FOXP1: variants seen among roughly 807,000 people sequenced by gnomAD.
FOXP1 encodes the protein forkhead box protein P1.
FOXP1 carries 15 observed loss-of-function variants against 98.2 expected under a neutral mutation model. That is an observed-to-expected ratio of 0.15 (90% CI 0.10 to 0.24). The LOEUF is 0.24. Among genes scored for constraint, FOXP1 ranks in the 10% least tolerant of loss-of-function variants. The pLI is 1.00. For synonymous variants in FOXP1, 371 were observed against 314.5 expected, an observed-to-expected ratio of 1.18 and a Z score of -1.90; for missense variants, 633 against 848.5, an observed-to-expected ratio of 0.75 and a Z score of 3.15.
intron 5 of FOXP1, among the ~76,000 whole-genome samples, chr3:71,245,538 A>G (rs1401613552): frequency 2.0e-5 from 3 of 152,182 alleles, no homozygotes; most frequent in Admixed American, 1.3e-4. Flanking sequence ...AATCCCTTGC[A>G]GAGATACAAG....
chr3:71,438,563 C>T (rs1391122415), intron 3 of FOXP1, among the ~76,000 whole-genome samples: 4 of 152,072 alleles, frequency 2.6e-5, no homozygotes. Flanking sequence ...TCCAGGCTCC[C>T]CTCCACTCAC....
chr3:71,450,255 G>A (rs1216326905), intron 3 of FOXP1, among the ~76,000 whole-genome samples: 2 of 152,172 alleles, frequency 1.3e-5, no homozygotes, highest in Non-Finnish European at 2.9e-5. Context: ...AAAAACTACA[G>A]GTGTTTCTGT....
At chr3:71,331,132 A>G (rs1390254672) in intron 4 of FOXP1, among the ~76,000 whole-genome samples, 2 of 144,642 alleles carry the variant, frequency 1.4e-5, no homozygotes, top group Non-Finnish European at 3.2e-5. Context: ...GGAGGTGTGG[A>G]GAGAGAGGTG....
intron 6 of FOXP1, among the ~76,000 whole-genome samples, chr3:71,156,967 G>A (rs751780255): frequency 1.3e-5 from 2 of 152,146 alleles, no homozygotes; most frequent in Non-Finnish European, 1.5e-5. Context: ...CTGACCACGA[G>A]GTGACTAAAG....
At position 71,017,662 on chromosome 3, in the gene FOXP1, C is replaced by T. The variant is rs1402483971; in HGVS notation, c.870-2009G>A. On this transcript the variant is annotated intron_variant, in intron 11 of 20. Coordinates refer to ENST00000649528, the MANE Select transcript of FOXP1 (RefSeq NM_001349338.3). ...TTTACTGATGGGTAATAGTCTATCA[C>T]GTATCAACTTAACTCTAGTTATATG... Among the ~76,000 whole-genome samples, 13 of 152,254 alleles carry T rather than the reference C, an allele frequency of 8.5e-5. 1 individual carries two copies. The South Asian group carries it at 2.3e-3, about 27-fold the overall frequency.
intron 18 of FOXP1, chr3:70,972,219 C>A (rs2036420309): frequency 6.7e-7 from 1 of 1,484,664 alleles, no homozygotes; most frequent in Non-Finnish European, 8.9e-7. Context: ...GGAGTGGCAA[C>A]AAAAGGAGAC....
intron 17 of FOXP1, 67 bp from the exon 18 acceptor site, chr3:70,972,743 A>G (rs1575758807): frequency 6.5e-7 from 1 of 1,528,300 alleles, no homozygotes; most frequent in East Asian, 2.3e-5. Context: ...AACAGCAGTA[A>G]ATTCAGCCTA....
intron 3 of FOXP1, among the ~76,000 whole-genome samples, chr3:71,465,255 C>T (rs1294616625): frequency 6.8e-6 from 1 of 146,570 alleles, no homozygotes; most frequent in Non-Finnish European, 1.5e-5. Context: ...TGTGGTGAGC[C>T]GAGATCACAC....
chr3:71,579,783 T>C (rs1445040780), intron 2 of FOXP1, among the ~76,000 whole-genome samples: 3 of 152,106 alleles, frequency 2.0e-5, no homozygotes, highest in Admixed American at 6.5e-5. Flanking sequence ...AAGAATTCCA[T>C]TGCACAGTTC....
chr3:71,357,123 A>G (rs2078216568), intron 4 of FOXP1, among the ~76,000 whole-genome samples: 1 of 152,194 alleles, frequency 6.6e-6, no homozygotes, highest in Non-Finnish European at 1.5e-5. Context: ...AGCTGTCAGC[A>G]ATGTCCCCTG....
chr3:71,387,995 A>G (rs893849218), intron 3 of FOXP1, among the ~76,000 whole-genome samples: 1 of 152,254 alleles, frequency 6.6e-6, no homozygotes, highest in Non-Finnish European at 1.5e-5. Flanking sequence ...GTCTGTTTCT[A>G]TGCATTACCC....
chr3:71,316,847 G>T (rs1398842800), intron 4 of FOXP1, among the ~76,000 whole-genome samples: 2 of 151,852 alleles, frequency 1.3e-5, no homozygotes, highest in African/African-American at 4.8e-5. Flanking sequence ...TAGTAGAAAC[G>T]GGGTTTTACC....
chr3:71,266,255 A>ATT (rs36076546), intron 5 of FOXP1, among the ~76,000 whole-genome samples: 1 of 151,442 alleles, frequency 6.6e-6, no homozygotes, highest in South Asian at 2.1e-4. Context: ...AAATTTGTTT[A>ATT]TTTTTTTTGA....
At chr3:71,269,561 C>T (rs111962868) in intron 5 of FOXP1, among the ~76,000 whole-genome samples, 1 of 152,146 alleles carries the variant, frequency 6.6e-6, no homozygotes, top group African/African-American at 2.4e-5. Flanking sequence ...TCCATCTCAG[C>T]ATTAGTACTA....
chr3:71,192,225 G>A (rs139971010), intron 6 of FOXP1, among the ~76,000 whole-genome samples: 4 of 152,254 alleles, frequency 2.6e-5, no homozygotes, highest in African/African-American at 9.6e-5. Context: ...AAGTTCATAA[G>A]CCACCTTTTT....
At chr3:71,476,304 T>TG (rs2089834935) in intron 3 of FOXP1, among the ~76,000 whole-genome samples, 1 of 152,104 alleles carries the variant, frequency 6.6e-6, no homozygotes, top group Admixed American at 6.5e-5. Context: ...AAGTTCTTTT[T>TG]TTTTTTTTTG....
intron 2 of FOXP1, among the ~76,000 whole-genome samples, chr3:71,549,051 G>C (rs1186434557): frequency 1.3e-5 from 2 of 152,186 alleles, no homozygotes; most frequent in Non-Finnish European, 2.9e-5. Context: ...CCTCAAAGGT[G>C]TATTAACCCA....
At chr3:71,503,695 T>A (rs1577892948) in intron 2 of FOXP1, among the ~76,000 whole-genome samples, 2 of 150,518 alleles carry the variant, frequency 1.3e-5, no homozygotes, top group Admixed American at 6.6e-5. Context: ...TTTCGTCAGG[T>A]ATGGTACTGT....
intron 2 of FOXP1, among the ~76,000 whole-genome samples, chr3:71,516,283 C>CGT (rs1029592101): frequency 1.3e-5 from 2 of 152,134 alleles, no homozygotes; most frequent in East Asian, 1.9e-4. Context: ...ACAATGCAAA[C>CGT]GTGTGTGTGT....
Sources: gnomAD v4.1 joint callset for allele counts (sites outside exome capture counted in the v4.1 genomes callset) on GRCh38, gnomAD v4.1.1 for gene constraint, MANE v1.5 for transcripts, NCBI Gene and HGNC (gene_info 2026-07-23, HGNC 2026-07-21) for gene names.